SPAG16: variants seen among roughly 807,000 people sequenced by gnomAD.
SPAG16 encodes the protein sperm-associated antigen 16 protein.
A neutral mutation model predicts 80.4 loss-of-function variants in SPAG16; 86 were observed. The observed-to-expected ratio is 1.07, with a 90% CI of 0.90 to 1.28. SPAG16 has a LOEUF of 1.28. SPAG16 is among the 50% of genes most tolerant of loss of function. The pLI is 0.00. For synonymous variants in SPAG16, 294 were observed against 265.9 expected, an observed-to-expected ratio of 1.11 and a Z score of -1.03; for missense variants, 870 against 765.3, an observed-to-expected ratio of 1.14 and a Z score of -1.61.
At chr2:213,864,841 C>T (rs1000671927) in intron 11 of SPAG16, among the ~76,000 whole-genome samples, 2 of 151,858 alleles carry the variant, frequency 1.3e-5, no homozygotes, top group African/African-American at 4.8e-5. Flanking sequence ...TCCTATTTCT[C>T]GTATCATAGC....
chr2:214,041,908 T>A (rs1028439212), intron 13 of SPAG16, among the ~76,000 whole-genome samples: 1 of 147,446 alleles, frequency 6.8e-6, no homozygotes, highest in African/African-American at 2.5e-5. Context: ...TCTGTGTATA[T>A]ATTATATATA....
intron 10 of SPAG16, among the ~76,000 whole-genome samples, chr2:213,685,383 C>T (rs2064615732): frequency 2.0e-5 from 3 of 152,164 alleles, no homozygotes; most frequent in African/African-American, 7.2e-5. Context: ...CATATTCAAG[C>T]CAGGGAATTC....
intron 12 of SPAG16, among the ~76,000 whole-genome samples, chr2:213,993,636 T>C (rs923826776): frequency 5.9e-5 from 9 of 152,184 alleles, no homozygotes; most frequent in Non-Finnish European, 8.8e-5. Context: ...AAGATTTGCT[T>C]AATAGGAAAA....
chr2:214,188,957 G>T (rs1246317132), intron 15 of SPAG16, among the ~76,000 whole-genome samples: 2 of 152,048 alleles, frequency 1.3e-5, no homozygotes, highest in Non-Finnish European at 2.9e-5. Context: ...GAGGAAACAG[G>T]TAACATTTTA....
chr2:214,270,714 GGTTGTCTCCA>G (rs1691929117), intron 15 of SPAG16, among the ~76,000 whole-genome samples: 1 of 151,918 alleles, frequency 6.6e-6, no homozygotes. Flanking sequence ...TTAGTCCCGT[GGTTGTCTCCA>G]TAGCGCCCTA....
intron 15 of SPAG16, among the ~76,000 whole-genome samples, chr2:214,158,333 C>T (rs2056301290): frequency 6.6e-6 from 1 of 151,854 alleles, no homozygotes; most frequent in African/African-American, 2.4e-5. Context: ...TCCACTTTTC[C>T]TCGATCCAAA....
At chr2:214,342,748 G>T (rs1238386581) in intron 15 of SPAG16, among the ~76,000 whole-genome samples, 1 of 152,078 alleles carries the variant, frequency 6.6e-6, no homozygotes, top group Admixed American at 6.5e-5. Flanking sequence ...GTACCAAAAA[G>T]GTTGGGAACC....
At position 213,920,869 on chromosome 2, in the gene SPAG16, C is replaced by T. The variant is rs111433431; in HGVS notation, c.1215-9091C>T. 2.6e-5 allele frequency among the ~76,000 whole-genome samples: 4 copies of T among 152,370 alleles called. 1 individual carries two copies. The highest frequency in any genetic ancestry group is 9.6e-5 in the African/African-American group (4 of 41,590). On this transcript the variant is annotated intron_variant, in intron 11 of 15. Transcript: ENST00000331683. ...ATCCTTTTGGCTCTGCATCAGCTGG[C>T]ATGCTGCCCCTACCAATTCTCTAAG...
chr2:213,300,379 A>G (rs909939776), intron 3 of SPAG16, among the ~76,000 whole-genome samples: 1 of 152,162 alleles, frequency 6.6e-6, no homozygotes, highest in Non-Finnish European at 1.5e-5. Context: ...CCAAGCGAGA[A>G]TGTTCTTTAC....
chr2:213,633,833 G>A (rs1226909746), intron 10 of SPAG16, among the ~76,000 whole-genome samples: 1 of 152,114 alleles, frequency 6.6e-6, no homozygotes. Flanking sequence ...TCTGATAGAA[G>A]TATCACAGCT....
At position 213,502,857 on chromosome 2, in the gene SPAG16, C is replaced by G. The variant is rs533461152; in HGVS notation, c.1070+12767C>G. ...ACTGGCTCTTCTTTACATATTCTAGCATAGTAGAGCTTATGACAACATAGT... is the reference window on the plus strand; with the variant it reads ...ACTGGCTCTTCTTTACATATTCTAGGATAGTAGAGCTTATGACAACATAGT... On this transcript the variant is annotated intron_variant, in intron 10 of 15. Coordinates refer to ENST00000331683, the MANE Select transcript of SPAG16 (RefSeq NM_024532.5). 2.6e-5 allele frequency among the ~76,000 whole-genome samples: 4 copies of G among 152,292 alleles called. No individual in the cohort carries two copies. In the South Asian group the frequency reaches 8.3e-4, roughly 32 times the overall value.
At chr2:213,572,853 A>G (rs1275060001) in intron 10 of SPAG16, among the ~76,000 whole-genome samples, 1 of 152,104 alleles carries the variant, frequency 6.6e-6, no homozygotes, top group Non-Finnish European at 1.5e-5. Flanking sequence ...GCTGCCTTGC[A>G]GTTTGATCTC....
At chr2:214,374,565 T>C (rs142738976) in intron 15 of SPAG16, among the ~76,000 whole-genome samples, 4 of 151,508 alleles carry the variant, frequency 2.6e-5, no homozygotes, top group African/African-American at 9.6e-5. Flanking sequence ...TTTTATCAAA[T>C]AGAACGGAGT....
intron 10 of SPAG16, among the ~76,000 whole-genome samples, chr2:213,793,066 A>C (rs1198903544): frequency 6.6e-6 from 1 of 152,052 alleles, no homozygotes; most frequent in Non-Finnish European, 1.5e-5. Flanking sequence ...AGCTGGGATT[A>C]CAGGCGCCTG....
At chr2:213,581,089 A>C (rs1422002041) in intron 10 of SPAG16, among the ~76,000 whole-genome samples, 4 of 152,156 alleles carry the variant, frequency 2.6e-5, no homozygotes, top group African/African-American at 7.2e-5. Context: ...AGACACAGAG[A>C]GTTTAATAAT....
chr2:213,948,353 G>A (rs1310343679), intron 12 of SPAG16, among the ~76,000 whole-genome samples: 3 of 152,174 alleles, frequency 2.0e-5, no homozygotes, highest in Non-Finnish European at 2.9e-5. Context: ...AATAAAGGAA[G>A]TGTGTAACAA....
Position 214,280,809 on chromosome 2 carries a change from A to G in SPAG16, c.1721-129331A>G, listed in dbSNP as rs146400937. On this transcript the variant is annotated intron_variant, in intron 15 of 15. Coordinates refer to ENST00000331683, the MANE Select transcript of SPAG16 (RefSeq NM_024532.5). The stretch of plus-strand genomic sequence containing the variant: ...TATAGCAGCATGAGCTTTCTTATAC[A>G]TCTCCTCCATGTCTAGAGTTATGCC... The G allele has an allele frequency of 1.4e-3, 647 of 452,158 alleles. 4 individuals are homozygous for G. Among genetic ancestry groups the G allele is most frequent in the African/African-American group, 0.012 (613 of 49,110 alleles). 28.0% of individuals were successfully genotyped at this position (452,158 alleles called of 1,614,324 possible).
rs1339509377 is a variant in SPAG16 at position 213,874,806 on chromosome 2, G to A, written c.1214+12178G>A. Among the ~76,000 whole-genome samples the A allele has an allele frequency of 5.3e-5, 8 of 152,130 alleles. No individual in the cohort carries two copies. In the East Asian group the frequency reaches 1.5e-3, roughly 29 times the overall value. ...AGGGAGGGATTGTGGGGACTATGAA[G>A]CTACAGGGTTAAGGGCTTGGATGCA... On this transcript the variant is annotated intron_variant, in intron 11 of 15. Transcript: ENST00000331683.
intron 15 of SPAG16, among the ~76,000 whole-genome samples, chr2:214,402,767 T>C (rs939248721): frequency 1.6e-4 from 24 of 152,122 alleles, no homozygotes; most frequent in African/African-American, 5.8e-4. Flanking sequence ...TAGGGCAGCC[T>C]TCCTGAGTTT....
Sources: allele counts gnomAD v4.1 joint callset (sites outside exome capture counted in the v4.1 genomes callset), GRCh38; gene constraint gnomAD v4.1.1; transcripts MANE v1.5; gene names NCBI Gene and HGNC (gene_info 2026-07-23, HGNC 2026-07-21).